CACNA1G: variants seen among roughly 807,000 people sequenced by gnomAD.
The protein encoded by CACNA1G is calcium voltage-gated channel subunit alpha1 G, also known as voltage-dependent T-type calcium channel subunit alpha-1G.
CACNA1G carries 67 observed loss-of-function variants against 219.4 expected under a neutral mutation model. The observed-to-expected ratio is 0.31, with a 90% CI of 0.25 to 0.37. The LOEUF (loss-of-function observed/expected upper bound fraction) is 0.37, where lower values mean the gene tolerates loss of function less well. CACNA1G is among the 10% of genes least tolerant of loss of function. CACNA1G has a pLI of 1.00. For missense variants in CACNA1G, 2,380 were observed against 3,231.4 expected (o/e 0.74, Z 6.39); for synonymous variants, 1,296 against 1,345.3 (o/e 0.96, Z 0.80).
Position 50,606,039 on chromosome 17 carries a change from AG to A in CACNA1G, c.4422+17del. ...CCTTGGCCAGGTGAGCCCCAGGCTC[AG>A]AGGTGGGGCTGTGGTGAAGGAGGCT... On this transcript the variant is annotated intron_variant, in intron 23 of 37. Transcript: ENST00000359106. 7 of 1,613,846 alleles carry A rather than the reference AG, an allele frequency of 4.3e-6. No individual in the cohort carries two copies. The highest frequency in any genetic ancestry group is 5.9e-6 in the Non-Finnish European group (7 of 1,179,792).
chr17:50,616,220 C>A, intron 27 of CACNA1G, 55 bp from the exon 28 acceptor site: 1 of 1,072,326 alleles, frequency 9.3e-7, no homozygotes, highest in Non-Finnish European at 1.4e-6. Context: ...GGCGGGGGGA[C>A]AAGCCCCAGC....
chr17:50,599,273 G>C (rs1160552384), intron 16 of CACNA1G, among the ~76,000 whole-genome samples, 155 bp from the exon 17 acceptor site: 1 of 152,190 alleles, frequency 6.6e-6, no homozygotes, highest in Non-Finnish European at 1.5e-5. Flanking sequence ...GTTGGGGTGA[G>C]CCAGGATCTG....
rs12936750 is a variant in CACNA1G at position 50,590,373 on chromosome 17, A to T, written c.2302-98A>T. 8.5e-5 allele frequency: 116 copies of T among 1,360,626 alleles called. 1 individual carries two copies. The Middle Eastern group carries it at 1.3e-3, about 15-fold the overall frequency. The allele number at this position is 1,360,626 out of a possible 1,614,324, so 84.3% of individuals were successfully genotyped here. ...AGCAACCCCTCCGCACAAGCTTGCT[A>T]TTCCTGCTCCTCCTCTCCCTGGTGT... On this transcript the variant is annotated intron_variant, in intron 9 of 37. Coordinates refer to ENST00000359106, the MANE Select transcript of CACNA1G (RefSeq NM_018896.5).
intron 9 of CACNA1G, among the ~76,000 whole-genome samples, chr17:50,587,191 A>G (rs771319100): frequency 6.6e-5 from 10 of 152,152 alleles, no homozygotes; most frequent in Admixed American, 1.3e-4. Flanking sequence ...TCTTGAGGGC[A>G]GAGATGTAGA....
At position 50,568,914 on chromosome 17, in the gene CACNA1G, T is replaced by C. The variant is rs1373043373; in HGVS notation, c.287T>C (p.Val96Ala). 6.2e-7 allele frequency: 1 copy of C among 1,613,724 alleles called. No homozygotes were observed. Among genetic ancestry groups the C allele is most frequent in the Admixed American group, 1.7e-5 (1 of 60,026 alleles). Residue 96 changes from valine to alanine, a missense_variant, in exon 2 of 38, where the codon GTG (valine) becomes GCG (alanine). Coordinates refer to ENST00000359106, the MANE Select transcript of CACNA1G (RefSeq NM_018896.5). ...ISMLVILLNC[V>A]TLGMFRPCED... ...ATGTTGGTCATCCTTCTCAACTGCG[T>C]GACCCTGGGCATGTTCCGGCCATGC...
chr17:50,585,821 A>T (rs1326912082), intron 9 of CACNA1G, among the ~76,000 whole-genome samples: 1 of 152,126 alleles, frequency 6.6e-6, no homozygotes, highest in African/African-American at 2.4e-5. Flanking sequence ...TCACTGCCTC[A>T]CTGCAGCCTG....
Position 50,626,536 on chromosome 17 carries a change from A to T in CACNA1G, c.6919A>T (p.Ser2307Cys). Residue 2307 changes from serine (S) to cysteine (C), a missense_variant, in exon 38 of 38, where the codon AGC (serine) becomes TGC (cysteine). Transcript: ENST00000359106. This position sits in a 1 kb window ranked among gnomAD's most constrained non-coding sequence, Gnocchi z 4.3. ...GPGSRPKKKL[S>C]PPSITIDPPE... ...TGGGAGCCGGCCCAAGAAAAAACTCAGCCCGCCTAGTATCACCATAGACCC... is the reference window on the plus strand; with the variant it reads ...TGGGAGCCGGCCCAAGAAAAAACTCTGCCCGCCTAGTATCACCATAGACCC... 1 of 1,574,042 alleles carries T rather than the reference A, an allele frequency of 6.4e-7. No homozygotes were observed. Among genetic ancestry groups the T allele is most frequent in the South Asian group, 1.2e-5 (1 of 85,368 alleles).
intron 35 of CACNA1G, among the ~76,000 whole-genome samples, 178 bp from the exon 36 acceptor site, chr17:50,623,729 A>G (rs2052847614): frequency 6.6e-6 from 1 of 151,986 alleles, no homozygotes; most frequent in Non-Finnish European, 1.5e-5. Flanking sequence ...TGGAGGGCTC[A>G]TCCATGTGTC....
At chr17:50,583,780 C>T (rs560484433) in intron 9 of CACNA1G, among the ~76,000 whole-genome samples, 93 of 152,224 alleles carry the variant, frequency 6.1e-4, no homozygotes, top group African/African-American at 2.1e-3. Flanking sequence ...GTTTTCCTCC[C>T]TGCCCTGGCC....
intron 1 of CACNA1G, among the ~76,000 whole-genome samples, chr17:50,564,735 T>C (rs1029173893): frequency 6.6e-6 from 1 of 151,954 alleles, no homozygotes; most frequent in Non-Finnish European, 1.5e-5. Flanking sequence ...GAGGAAATGG[T>C]GGGGGGAGTG....
intron 7 of CACNA1G, chr17:50,573,720 T>C (rs2039978579): frequency 6.6e-6 from 1 of 152,272 alleles, no homozygotes; most frequent in Non-Finnish European, 1.5e-5. Context: ...TGATCTCTTA[T>C]TCCTGCCAGT....
Position 50,617,702 on chromosome 17 carries a change from C to A in CACNA1G, c.5155+131C>A. On this transcript the variant is annotated intron_variant, in intron 29 of 37. Transcript: ENST00000359106. The surrounding 1 kb of genome is among the most constrained non-coding windows in gnomAD (Gnocchi z 5.8). ...CATGGGTCTTTCTCCCAGCTTCTGC[C>A]AAGGGAGGCTGGAGACAGGGCTGAG... The A allele has an allele frequency of 7.0e-7, 1 of 1,431,568 alleles. No individual in the cohort carries two copies. Among genetic ancestry groups the A allele is most frequent in the African/African-American group, 1.4e-5 (1 of 71,320 alleles). 88.7% of individuals were successfully genotyped at this position (1,431,568 alleles called of 1,614,324 possible). A position where few individuals can be genotyped will look rare whatever the true frequency, so the allele number is the denominator to read the frequency against.
At chr17:50,590,399 C>T in intron 9 of CACNA1G, 72 bp from the exon 10 acceptor site, 1 of 1,531,332 alleles carries the variant, frequency 6.5e-7, no homozygotes, top group Non-Finnish European at 9.0e-7. Context: ...TCCCTGGTGT[C>T]CCATGTTTGG....
At chr17:50,587,983 A>G (rs965985429) in intron 9 of CACNA1G, among the ~76,000 whole-genome samples, 2 of 152,114 alleles carry the variant, frequency 1.3e-5, no homozygotes, top group African/African-American at 4.8e-5. Context: ...TAGTAGTCGG[A>G]CTTTTAGAAT....
At chr17:50,606,396 A>ATGGG (rs2047976619) in intron 23 of CACNA1G, 3 of 599,012 alleles carry the variant, frequency 5.0e-6, no homozygotes, top group Non-Finnish European at 8.9e-6. Flanking sequence ...AATGACCTGG[A>ATGGG]GCAGCTGACT....
At chr17:50,563,012 G>A (rs1159530086) in intron 1 of CACNA1G, among the ~76,000 whole-genome samples, 1 of 152,218 alleles carries the variant, frequency 6.6e-6, no homozygotes, top group Non-Finnish European at 1.5e-5. Context: ...TTCCAGCTCA[G>A]AGGTTCTTAT....
chr17:50,576,718 G>C (rs1489255856), intron 8 of CACNA1G, among the ~76,000 whole-genome samples: 1 of 152,218 alleles, frequency 6.6e-6, no homozygotes, highest in Non-Finnish European at 1.5e-5. Context: ...ATGAGAACCA[G>C]GAGGCTTGAG....
In CACNA1G at chr17:50,626,101, C is replaced by A; in HGVS notation, c.6484C>A (p.Pro2162Thr). ...GGCAGAGGTGAGTGGGCCCTCCCCGCCCCTGGCCCGGGCCTACTCTTTCTG... is the reference window on the plus strand; with the variant it reads ...GGCAGAGGTGAGTGGGCCCTCCCCGACCCTGGCCCGGGCCTACTCTTTCTG... ...LLAEVSGPSP[P>T]LARAYSFWGQ... The change falls in exon 38 of 38, where the codon CCC becomes ACC. Residue 2162 changes from proline (P) to threonine (T), a missense_variant. This residue lies in a region of CACNA1G where 672 missense variants were observed against 670.5 expected (regional missense o/e 1.00). Transcript: ENST00000359106. This position sits in a 1 kb window ranked among gnomAD's most constrained non-coding sequence, Gnocchi z 4.3. 6.2e-7 allele frequency: 1 copy of A among 1,613,646 alleles called. No individual in the cohort carries two copies. Among genetic ancestry groups the A allele is most frequent in the Non-Finnish European group, 8.5e-7 (1 of 1,179,830 alleles).
At chr17:50,563,530 C>T (rs1349942850) in intron 1 of CACNA1G, among the ~76,000 whole-genome samples, 2 of 152,234 alleles carry the variant, frequency 1.3e-5, no homozygotes, top group Non-Finnish European at 2.9e-5. Context: ...GAGCTCTTCT[C>T]TCCCCTCTCC....
Sources: allele counts gnomAD v4.1 joint callset (sites outside exome capture counted in the v4.1 genomes callset), GRCh38; gene constraint gnomAD v4.1.1; regional missense constraint gnomAD v4.1.1; non-coding constraint Gnocchi (gnomAD v3.1); transcripts MANE v1.5; gene names NCBI Gene and HGNC (gene_info 2026-07-23, HGNC 2026-07-21).